Variants in MSN observed in about 807,000 individuals in gnomAD.
MSN encodes moesin.
In MSN, 2 loss-of-function variants were observed where a neutral mutation model predicts 48.0. That is an observed-to-expected ratio of 0.04 (90% CI 0.02 to 0.13). The LOEUF (loss-of-function observed/expected upper bound fraction) is 0.13. Ranked by LOEUF, MSN falls within the 10% of genes least tolerant of loss-of-function variation. MSN has a pLI of 1.00. For missense variants in MSN, 267 were observed against 470.1 expected (o/e 0.57, Z 3.99); for synonymous variants, 146 against 166.9 (o/e 0.87, Z 0.97).
At chrX:65,699,864 G>A (rs1261216192) in intron 1 of MSN, among the ~76,000 whole-genome samples, 1 of 111,168 alleles carries the variant, frequency 9.0e-6, no homozygotes, top group Non-Finnish European at 1.9e-5. Flanking sequence ...CTAGTAGTTG[G>A]GGAGATCAGG....
intron 1 of MSN, among the ~76,000 whole-genome samples, chrX:65,641,577 T>A (rs868694637): frequency 5.9e-5 from 4 of 67,430 alleles, no homozygotes; most frequent in African/African-American, 1.2e-4. Flanking sequence ...TATATATATA[T>A]ATATATATAT....
intron 1 of MSN, among the ~76,000 whole-genome samples, chrX:65,642,139 A>C (rs1334013160): frequency 1.8e-5 from 2 of 108,195 alleles, no homozygotes; most frequent in Non-Finnish European, 3.8e-5. Flanking sequence ...CATCTCAAAA[A>C]AAAAAAAAAA....
chrX:65,708,806 C>T (rs1480767917), intron 1 of MSN, among the ~76,000 whole-genome samples: 1 of 111,061 alleles, frequency 9.0e-6, no homozygotes, highest in Non-Finnish European at 1.9e-5. Context: ...CCTCAGCCTC[C>T]TGAGTAGCTG....
chrX:65,686,452 A>G (rs1181173940), intron 1 of MSN, among the ~76,000 whole-genome samples: 1 of 112,755 alleles, frequency 8.9e-6, no homozygotes, highest in Non-Finnish European at 1.9e-5. Flanking sequence ...CCTTCAGACA[A>G]ACAGGAAGCT....
intron 1 of MSN, among the ~76,000 whole-genome samples, chrX:65,706,276 G>T (rs2071360462): frequency 8.9e-6 from 1 of 111,784 alleles, no homozygotes; most frequent in Non-Finnish European, 1.9e-5. Context: ...CTAAACAATG[G>T]AGTTTAGCTT....
chrX:65,729,453 G>T lies in MSN; in HGVS notation c.208G>T (p.Val70Leu), dbSNP rs201686694. Residue 70 changes from valine to leucine, a missense_variant, in exon 4 of 13, where the codon GTG becomes TTG. By Grantham distance (32) the Val-to-Leu change is conservative (BLOSUM62 1). Coordinates refer to ENST00000360270, the MANE Select transcript of MSN (RefSeq NM_002444.3). ...CTCTTCCCAGGTGACTGCCCAGGATGTGCGGAAGGAAAGCCCCCTGCTCTT... is the reference window on the plus strand; with the variant it reads ...CTCTTCCCAGGTGACTGCCCAGGATTTGCGGAAGGAAAGCCCCCTGCTCTT... Reference protein sequence around the residue: ...KLNKKVTAQDVRKESPLLFKF... With the variant: ...KLNKKVTAQDLRKESPLLFKF... The T allele has an allele frequency of 6.4e-5, 77 of 1,208,680 alleles. No homozygotes were observed. Among genetic ancestry groups the T allele is most frequent in the Non-Finnish European group, 5.6e-6 (5 of 894,768 alleles).
chrX:65,609,824 A>G (rs1426583517), intron 1 of MSN, among the ~76,000 whole-genome samples: 1 of 110,668 alleles, frequency 9.0e-6, no homozygotes, highest in Non-Finnish European at 1.9e-5. Flanking sequence ...CAGAGGTTGC[A>G]ATGAGCTGAG....
At chrX:65,638,272 C>A (rs1362573417) in intron 1 of MSN, among the ~76,000 whole-genome samples, 3 of 112,398 alleles carry the variant, frequency 2.7e-5, no homozygotes, top group Non-Finnish European at 5.6e-5. Context: ...ATGAATTCCT[C>A]TCACTGTGAT....
intron 1 of MSN, among the ~76,000 whole-genome samples, chrX:65,676,031 G>C (rs1320662451): frequency 8.9e-6 from 1 of 112,856 alleles, no homozygotes; most frequent in Non-Finnish European, 1.9e-5. Flanking sequence ...CTAAACCAAA[G>C]AATAGAGCTT....
intron 1 of MSN, among the ~76,000 whole-genome samples, chrX:65,702,911 G>A (rs2071322942): frequency 8.9e-6 from 1 of 111,775 alleles, no homozygotes; most frequent in Non-Finnish European, 1.9e-5. Context: ...TGCTTCTTGG[G>A]GAGGAAATCC....
At chrX:65,717,804 A>T (rs2071481330) in intron 2 of MSN, among the ~76,000 whole-genome samples, 2 of 111,500 alleles carry the variant, frequency 1.8e-5, no homozygotes, top group African/African-American at 6.5e-5. Context: ...ACCCTGATGG[A>T]TTCTCCAGGC....
intron 1 of MSN, among the ~76,000 whole-genome samples, chrX:65,607,333 C>G (rs1340580314): frequency 1.8e-5 from 2 of 111,642 alleles, no homozygotes; most frequent in African/African-American, 3.3e-5. Context: ...TGCAGGGCCT[C>G]TGACCCAGAG....
At chrX:65,636,740 T>C (rs1602740729) in intron 1 of MSN, among the ~76,000 whole-genome samples, 1 of 31,205 alleles carries the variant, frequency 3.2e-5, no homozygotes, top group African/African-American at 1.8e-4. Context: ...AGAGCAAAAC[T>C]CCATCTCAAA....
At chrX:65,739,456 T>C (rs1470660451) in intron 12 of MSN, among the ~76,000 whole-genome samples, 4 of 112,116 alleles carry the variant, frequency 3.6e-5, no homozygotes, top group African/African-American at 1.3e-4. Flanking sequence ...AGAAAATATC[T>C]AGCTGACAAA....
Position 65,735,294 on chromosome X carries a change from C to T in MSN, c.823C>T (p.Arg275Trp), listed in dbSNP as rs899329049. The T allele has an allele frequency of 1.7e-6, 2 of 1,210,536 alleles. No homozygotes were observed. The highest frequency in any genetic ancestry group is 2.2e-6 in the Non-Finnish European group (2 of 895,073). ...CTTCGTCTTCTATGCTCCCCGGCTGCGGATTAACAAGCGGATCTTGGCCTT... is the reference window on the plus strand; with the variant it reads ...CTTCGTCTTCTATGCTCCCCGGCTGTGGATTAACAAGCGGATCTTGGCCTT... ...PDFVFYAPRL[R>W]INKRILALCM... is the part of the protein sequence containing the mutation. The change falls in exon 8 of 13, where the codon CGG becomes TGG. Residue 275 changes from arginine (R) to tryptophan (W), a missense_variant. This residue lies in a region of MSN where 58 missense variants were observed against 104.6 expected (regional missense o/e 0.55). Coordinates refer to ENST00000360270, the MANE Select transcript of MSN (RefSeq NM_002444.3).
intron 10 of MSN, among the ~76,000 whole-genome samples, chrX:65,738,249 G>C (rs1602875503): frequency 8.9e-6 from 1 of 112,206 alleles, no homozygotes; most frequent in Admixed American, 9.4e-5. Flanking sequence ...TACTTGCCAA[G>C]AGGGGCAGGG....
rs374065774 is a variant in MSN at position 65,599,022 on chromosome X, C to T, written c.-22+10410C>T. 3.6e-5 allele frequency among the ~76,000 whole-genome samples: 4 copies of T among 111,524 alleles called. No homozygotes were observed. The East Asian group carries it at 8.4e-4, about 24-fold the overall frequency. ...TTAGTTGCGGCTGGGCATGCTGGCT[C>T]ACGCCGGTAATCCCGGCACTTTGGG... On this transcript the variant is annotated intron_variant, in intron 1 of 3. Transcript: ENST00000609672.
intron 6 of MSN, among the ~76,000 whole-genome samples, chrX:65,732,469 T>A (rs1032883595): frequency 8.9e-6 from 1 of 112,273 alleles, no homozygotes; most frequent in African/African-American, 3.2e-5. Flanking sequence ...ACAGTCATTA[T>A]GTTTTTATTG....
chrX:65,600,331 G>A (rs2148350683), intron 1 of MSN, among the ~76,000 whole-genome samples: 1 of 111,430 alleles, frequency 9.0e-6, no homozygotes, highest in East Asian at 2.8e-4. Flanking sequence ...GCGTCTCCAG[G>A]CGTCTAAATG....
Sources: gnomAD v4.1 joint callset for allele counts (sites outside exome capture counted in the v4.1 genomes callset) on GRCh38, gnomAD v4.1.1 for gene constraint, gnomAD v4.1.1 regional missense constraint, MANE v1.5 for transcripts, NCBI Gene and HGNC (gene_info 2026-07-23, HGNC 2026-07-21) for gene names.